Variants in GRIP1 observed in about 807,000 individuals in gnomAD.
The protein encoded by GRIP1 is glutamate receptor interacting protein 1.
GRIP1 carries 45 observed loss-of-function variants against 129.9 expected under a neutral mutation model. That is an observed-to-expected ratio of 0.35 (90% CI 0.27 to 0.44). The LOEUF (loss-of-function observed/expected upper bound fraction) is 0.44, where lower values mean the gene tolerates loss of function less well. Among genes scored for constraint, GRIP1 ranks in the 20% least tolerant of loss-of-function variants. The probability of loss-of-function intolerance (pLI) is 1.00; values close to 1 mark genes in which losing one functional copy is unlikely to be tolerated. For missense variants in GRIP1, 1,196 were observed against 1,396.8 expected (o/e 0.86, Z 2.29); for synonymous variants, 530 against 520.8 (o/e 1.02, Z -0.24).
At chr12:66,743,395 C>T (rs765886953) in intron 1 of GRIP1, among the ~76,000 whole-genome samples, 1 of 151,856 alleles carries the variant, frequency 6.6e-6, no homozygotes, top group Non-Finnish European at 1.5e-5. Flanking sequence ...ACCAGGGAAA[C>T]TTTATTATGA....
intron 1 of GRIP1, among the ~76,000 whole-genome samples, chr12:66,833,540 C>T (rs1349339977): frequency 6.6e-6 from 1 of 152,132 alleles, no homozygotes; most frequent in African/African-American, 2.4e-5. Flanking sequence ...CCACTGGATC[C>T]AAGTATCTAC....
chr12:67,028,993 A>T (rs1429208244), intron 1 of GRIP1, among the ~76,000 whole-genome samples: 1 of 152,158 alleles, frequency 6.6e-6, no homozygotes, highest in Non-Finnish European at 1.5e-5. Context: ...CTTGGGCTTC[A>T]ATATTTAATA....
intron 2 of GRIP1, chr12:66,568,799 A>G: frequency 6.7e-6 from 2 of 298,014 alleles, no homozygotes; most frequent in Non-Finnish European, 1.3e-5. Context: ...TGCCTCTACT[A>G]TTTGGTGTTG....
At chr12:66,968,144 T>C (rs2042023067) in intron 1 of GRIP1, among the ~76,000 whole-genome samples, 1 of 152,218 alleles carries the variant, frequency 6.6e-6, no homozygotes, top group East Asian at 1.9e-4. Flanking sequence ...TTGGTGCATA[T>C]GTTTTTATGA....
intron 2 of GRIP1, among the ~76,000 whole-genome samples, chr12:66,592,164 A>C (rs2063872295): frequency 6.6e-6 from 1 of 152,172 alleles, no homozygotes; most frequent in South Asian, 2.1e-4. Context: ...CTCTTAACTT[A>C]AGGTTACCAG....
intron 7 of GRIP1, among the ~76,000 whole-genome samples, chr12:66,498,656 A>G (rs1319686401): frequency 6.6e-6 from 1 of 152,208 alleles, no homozygotes; most frequent in African/African-American, 2.4e-5. Flanking sequence ...TGTTAGAGAA[A>G]AGACTCAGTT....
In GRIP1 at chr12:67,025,396, C is replaced by T. The variant is rs1325635580; in HGVS notation, c.58+43654G>A. ...AAAGAATAAGCAAAAAGAACAATCACACAGCCTATGAAAAAAACTGCAATT... is the reference window on the plus strand; with the variant it reads ...AAAGAATAAGCAAAAAGAACAATCATACAGCCTATGAAAAAAACTGCAATT... On this transcript the variant is annotated intron_variant, in intron 1 of 1. Coordinates refer to the GRIP1 transcript ENST00000643019. Among the ~76,000 whole-genome samples, 4 of 152,092 alleles carry T rather than the reference C, an allele frequency of 2.6e-5. No individual in the cohort carries two copies. The East Asian group carries it at 7.8e-4, about 29-fold the overall frequency.
At chr12:66,916,707 T>C (rs916865479) in intron 1 of GRIP1, among the ~76,000 whole-genome samples, 18 of 151,716 alleles carry the variant, frequency 1.2e-4, no homozygotes, top group South Asian at 4.2e-4. Context: ...TTTGCAAAAA[T>C]ATTAAAGGAG....
intron 15 of GRIP1, among the ~76,000 whole-genome samples, chr12:66,417,379 T>G (rs957199827): frequency 1.3e-5 from 2 of 152,100 alleles, no homozygotes; most frequent in Non-Finnish European, 2.9e-5. Flanking sequence ...TAAGATCTGG[T>G]ACACAACAAG....
At chr12:66,539,369 C>T (rs10219689) in intron 3 of GRIP1, 146 bp from the exon 4 acceptor site, 377,178 of 972,024 alleles carry the variant, frequency 0.39, 76,404 homozygotes, top group East Asian at 0.54. Flanking sequence ...TCCTAGGAGA[C>T]GGTGGGCCCT....
chr12:66,383,237 C>T (rs948356687), intron 19 of GRIP1, among the ~76,000 whole-genome samples: 1 of 151,924 alleles, frequency 6.6e-6, no homozygotes, highest in Non-Finnish European at 1.5e-5. Flanking sequence ...GTGGAGGTTG[C>T]AGCGAGCTGA....
intron 2 of GRIP1, among the ~76,000 whole-genome samples, chr12:66,561,862 G>A (rs1230842752): frequency 6.6e-6 from 1 of 152,254 alleles, no homozygotes; most frequent in South Asian, 2.1e-4. Context: ...GGGAGGCTGA[G>A]GTGGGAGGAT....
intron 2 of GRIP1, among the ~76,000 whole-genome samples, chr12:66,589,827 A>T (rs1267396960): frequency 6.6e-6 from 1 of 152,136 alleles, no homozygotes; most frequent in Non-Finnish European, 1.5e-5. Flanking sequence ...AATAGATAAG[A>T]AAAGAGTATT....
intron 19 of GRIP1, among the ~76,000 whole-genome samples, chr12:66,386,319 G>A (rs1335299852): frequency 6.6e-6 from 1 of 152,098 alleles, no homozygotes; most frequent in Non-Finnish European, 1.5e-5. Context: ...ATCAGTGTGG[G>A]TTCATATTCA....
intron 1 of GRIP1, among the ~76,000 whole-genome samples, chr12:67,068,599 G>C (rs1296182194): frequency 1.3e-5 from 2 of 152,038 alleles, no homozygotes; most frequent in African/African-American, 2.4e-5. Context: ...CCCAGCCAGA[G>C]GCGGGGACAA....
intron 1 of GRIP1, among the ~76,000 whole-genome samples, chr12:66,950,855 T>C (rs1566091709): frequency 1.3e-5 from 2 of 152,200 alleles, no homozygotes; most frequent in Non-Finnish European, 1.5e-5. Flanking sequence ...TGTAGGTTGG[T>C]CATTATATTC....
intron 1 of GRIP1, among the ~76,000 whole-genome samples, chr12:66,894,867 C>T (rs2137245336): frequency 6.6e-6 from 1 of 152,304 alleles, no homozygotes; most frequent in Middle Eastern, 3.4e-3. Flanking sequence ...ATAACTTTGA[C>T]TCCTTGTAGG....
intron 1 of GRIP1, among the ~76,000 whole-genome samples, chr12:66,771,734 G>T (rs1168259423): frequency 6.6e-6 from 1 of 152,148 alleles, no homozygotes; most frequent in African/African-American, 2.4e-5. Context: ...GGTTTAGAAA[G>T]AAAGAAAGTT....
At chr12:66,456,485 G>T in intron 9 of GRIP1, 143 bp from the exon 10 acceptor site, 1 of 391,316 alleles carries the variant, frequency 2.6e-6, no homozygotes, top group Non-Finnish European at 4.7e-6. Flanking sequence ...AATCTACTTG[G>T]CTTTGCCCTT....
Sources: gnomAD v4.1 joint callset for allele counts (sites outside exome capture counted in the v4.1 genomes callset) on GRCh38, gnomAD v4.1.1 for gene constraint, MANE v1.5 for transcripts, NCBI Gene and HGNC (gene_info 2026-07-23, HGNC 2026-07-21) for gene names.